Variants in DENND1B observed in about 807,000 individuals in gnomAD.
DENND1B encodes the protein DENN domain-containing protein 1B.
A neutral mutation model predicts 90.1 loss-of-function variants in DENND1B; 59 were observed. The observed-to-expected ratio is 0.65, with a 90% confidence interval of 0.53 to 0.81. DENND1B has a LOEUF of 0.81. Ranked by LOEUF, DENND1B falls within the 40% of genes least tolerant of loss-of-function variation. The pLI is 0.00. For missense variants in DENND1B, 862 were observed against 912.6 expected (o/e 0.94, Z 0.71); for synonymous variants, 337 against 324.6 (o/e 1.04, Z -0.41).
At chr1:197,773,740 G>A (rs570932277) in intron 1 of DENND1B, among the ~76,000 whole-genome samples, 1 of 152,270 alleles carries the variant, frequency 6.6e-6, no homozygotes, top group Non-Finnish European at 1.5e-5. Context: ...ATTTCAAAAA[G>A]TGAACTGAAA....
At chr1:197,575,557 T>C (rs1478438905) in intron 15 of DENND1B, among the ~76,000 whole-genome samples, 1 of 152,214 alleles carries the variant, frequency 6.6e-6, no homozygotes, top group Non-Finnish European at 1.5e-5. Flanking sequence ...AGAAATACCA[T>C]TTGATCCAGC....
intron 9 of DENND1B, among the ~76,000 whole-genome samples, chr1:197,643,512 A>G (rs1391376598): frequency 6.6e-6 from 1 of 152,144 alleles, no homozygotes; most frequent in African/African-American, 2.4e-5. Context: ...CTGATCCTTC[A>G]GAAACCGCTG....
At chr1:197,539,909 T>C in intron 20 of DENND1B, 55 bp downstream of exon 20, 3 of 1,373,544 alleles carry the variant, frequency 2.2e-6, no homozygotes, top group Non-Finnish European at 3.1e-6. Flanking sequence ...AATAATTTAC[T>C]GGAATTATAT....
At position 197,595,076 on chromosome 1, in the gene DENND1B, TA is replaced by T. The variant is rs1238738165; in HGVS notation, c.1047+131del. 3.8e-5 allele frequency: 48 copies of T among 1,251,956 alleles called. No individual in the cohort carries two copies. The African/African-American group carries it at 6.4e-4, about 17-fold the overall frequency. 77.6% of individuals were successfully genotyped at this position (1,251,956 alleles called of 1,614,324 possible). ...ATGAAATGTATGTTTTGAAACACAT[TA>T]TTTTGGATCTTAAAAGATTTCCATG... On this transcript the variant is annotated intron_variant, in intron 14 of 22. Coordinates refer to ENST00000620048, the MANE Select transcript of DENND1B (RefSeq NM_001195215.2).
intron 3 of DENND1B, among the ~76,000 whole-genome samples, chr1:197,694,445 T>G (rs975830901): frequency 2.0e-5 from 3 of 151,464 alleles, no homozygotes; most frequent in African/African-American, 7.3e-5. Flanking sequence ...AAAGATAAAT[T>G]TGAAATGCAA....
intron 12 of DENND1B, among the ~76,000 whole-genome samples, chr1:197,610,329 G>A (rs1020910460): frequency 2.0e-5 from 3 of 150,290 alleles, no homozygotes; most frequent in Non-Finnish European, 3.0e-5. Flanking sequence ...AACAGTATTG[G>A]TTTTATTTAT....
At chr1:197,676,004 G>A (rs1232223669) in intron 3 of DENND1B, among the ~76,000 whole-genome samples, 2 of 142,940 alleles carry the variant, frequency 1.4e-5, no homozygotes, top group Non-Finnish European at 3.0e-5. Flanking sequence ...TCCCTCAGGG[G>A]ACAAGTCTTT....
At chr1:197,517,367 G>A (rs1402957652) in intron 20 of DENND1B, among the ~76,000 whole-genome samples, 2 of 151,814 alleles carry the variant, frequency 1.3e-5, no homozygotes, top group Non-Finnish European at 2.9e-5. Context: ...TTCAAGGTCT[G>A]CACCCTAGGG....
At chr1:197,554,427 G>A (rs938035708) in intron 15 of DENND1B, among the ~76,000 whole-genome samples, 2 of 151,966 alleles carry the variant, frequency 1.3e-5, no homozygotes, top group African/African-American at 4.8e-5. Context: ...AAATAAAGTA[G>A]CTGGTCTTTA....
intron 5 of DENND1B, among the ~76,000 whole-genome samples, chr1:197,667,681 G>A (rs960839971): frequency 3.9e-4 from 60 of 152,234 alleles, no homozygotes; most frequent in African/African-American, 1.4e-3. Flanking sequence ...TTACAGGCGT[G>A]GGCCCCTGCA....
In DENND1B at chr1:197,775,363, T is replaced by TGTGACAGCAGCGGTGGC. The variant is rs1276602722; in HGVS notation, c.-225_-209dup. 5.8e-6 allele frequency: 2 copies of TGTGACAGCAGCGGTGGC among 346,184 alleles called. No individual in the cohort carries two copies. Among genetic ancestry groups the TGTGACAGCAGCGGTGGC allele is most frequent in the African/African-American group, 4.3e-5 (2 of 46,164 alleles). 21.4% of individuals were successfully genotyped at this position (346,184 alleles called of 1,614,324 possible). Reference sequence around the variant, plus strand: ...CCCACCCCACCCACCAGAGCCTTTCTGTGACAGCAGCGGTGGCGTGGCCGC... The same window carrying TGTGACAGCAGCGGTGGC: ...CCCACCCCACCCACCAGAGCCTTTCTGTGACAGCAGCGGTGGCGTGACAGCAGCGGTGGCGTGGCCGC... On this transcript the variant is annotated 5_prime_UTR_variant, in exon 1 of 23. Coordinates refer to ENST00000620048, the MANE Select transcript of DENND1B (RefSeq NM_001195215.2).
At chr1:197,634,003 C>T (rs1679561158) in intron 10 of DENND1B, among the ~76,000 whole-genome samples, 2 of 152,134 alleles carry the variant, frequency 1.3e-5, no homozygotes, top group South Asian at 4.1e-4. Context: ...GGGCAGCTTT[C>T]CTGGGCACCC....
At chr1:197,662,087 A>T (rs996685892) in intron 5 of DENND1B, among the ~76,000 whole-genome samples, 1 of 152,098 alleles carries the variant, frequency 6.6e-6, no homozygotes, top group Admixed American at 6.6e-5. Context: ...CTATGACTTC[A>T]TCTATAAATC....
intron 20 of DENND1B, among the ~76,000 whole-genome samples, chr1:197,529,103 T>G (rs896230951): frequency 6.6e-6 from 1 of 150,642 alleles, no homozygotes; most frequent in Non-Finnish European, 1.5e-5. Context: ...AAATGAAAAA[T>G]AACTTTCCAC....
intron 11 of DENND1B, among the ~76,000 whole-genome samples, chr1:197,613,159 TTC>T (rs1472305975): frequency 1.3e-5 from 2 of 150,688 alleles, no homozygotes; most frequent in Non-Finnish European, 3.0e-5. Context: ...CTGTCCAAAT[TTC>T]TGTGTGTTCA....
At chr1:197,573,838 C>A (rs1302518366) in intron 15 of DENND1B, among the ~76,000 whole-genome samples, 1 of 152,094 alleles carries the variant, frequency 6.6e-6, no homozygotes, top group Non-Finnish European at 1.5e-5. Context: ...TAAACAGAAC[C>A]AATGAGAGAA....
At chr1:197,540,921 G>T in intron 19 of DENND1B, 38 bp downstream of exon 19, 1 of 1,568,344 alleles carries the variant, frequency 6.4e-7, no homozygotes, top group Non-Finnish European at 8.7e-7. Flanking sequence ...ACTAATACAA[G>T]AATCAAGGTA....
At chr1:197,577,804 G>C (rs1673818993) in intron 15 of DENND1B, among the ~76,000 whole-genome samples, 1 of 152,046 alleles carries the variant, frequency 6.6e-6, no homozygotes. Context: ...ATCCATCTAA[G>C]CTATGTTTAT....
intron 15 of DENND1B, among the ~76,000 whole-genome samples, chr1:197,562,275 C>A (rs1232814929): frequency 6.6e-6 from 1 of 151,906 alleles, no homozygotes; most frequent in Non-Finnish European, 1.5e-5. Context: ...AGGCATATCT[C>A]ATTTAATTGA....
Sources: allele counts gnomAD v4.1 joint callset (sites outside exome capture counted in the v4.1 genomes callset), GRCh38; gene constraint gnomAD v4.1.1; transcripts MANE v1.5; gene names NCBI Gene and HGNC (gene_info 2026-07-23, HGNC 2026-07-21).